ANKRD11: variants seen among roughly 807,000 people sequenced by gnomAD.
ANKRD11 encodes the protein ankyrin repeat domain-containing protein 11.
Under a neutral mutation model 195.7 loss-of-function variants are expected in ANKRD11, and 17 were observed. That is an observed-to-expected ratio of 0.09 (90% CI 0.06 to 0.13). ANKRD11 has a LOEUF of 0.13. ANKRD11 is among the 10% of genes least tolerant of loss of function. The pLI is 1.00. For missense variants in ANKRD11, 3,735 were observed against 3,566.1 expected, an observed-to-expected ratio of 1.05 and a Z score of -1.21; for synonymous variants, 1,953 against 1,528.1, an observed-to-expected ratio of 1.28 and a Z score of -6.49.
intron 1 of ANKRD11, among the ~76,000 whole-genome samples, chr16:89,442,200 C>T (rs187874634): frequency 1.8e-3 from 270 of 152,352 alleles, no homozygotes; most frequent in African/African-American, 5.5e-3. Context: ...CAGCTGACAA[C>T]GCACGCCCAC....
chr16:89,349,147 A>AAAAAAAAAAAAAAAAAAAAAAAG (rs2039084122), intron 2 of ANKRD11, among the ~76,000 whole-genome samples: 1 of 143,176 alleles, frequency 7.0e-6, no homozygotes, highest in Non-Finnish European at 1.5e-5. Flanking sequence ...AAAAAAAAAA[A>AAAAAAAAAAAAAAAAAAAAAAAG]AAAAAAAAAA....
chr16:89,280,671 C>A lies in ANKRD11; in HGVS notation c.5871G>T (p.Ala1957=). ...PVEWAHPSEQ[A]LASSLIGGTS... is the part of the protein sequence containing the mutation. ...TGCCCCCGATCAGGCTAGAGGCAAG[C>A]GCCTGCTCGGAGGGGTGGGCCCACT... Residue 1957 remains alanine (A), a synonymous_variant, in exon 9 of 13, where the codon GCG becomes GCT. Transcript: ENST00000301030. 1 of 1,613,388 alleles carries A rather than the reference C, an allele frequency of 6.2e-7. No individual in the cohort carries two copies. Among genetic ancestry groups the A allele is most frequent in the South Asian group, 1.1e-5 (1 of 91,076 alleles).
At chr16:89,462,619 G>T (rs1230490817) in intron 1 of ANKRD11, among the ~76,000 whole-genome samples, 1 of 151,892 alleles carries the variant, frequency 6.6e-6, no homozygotes, top group African/African-American at 2.4e-5. Context: ...CACTTAGGAA[G>T]TGAGGAGCAC....
rs140687697 is a variant in ANKRD11 at position 89,285,563 on chromosome 16, G to A, written c.979C>T (p.Leu327Phe). 1.1e-5 allele frequency: 17 copies of A among 1,614,130 alleles called. No homozygotes were observed. The highest frequency in any genetic ancestry group is 1.4e-5 in the Non-Finnish European group (16 of 1,180,016). ...NNTDSEFEKG[L>F]KHKAKNPEPQ... is the part of the protein sequence containing the mutation. Reference sequence around the variant, plus strand: ...TCTGGGTTCTTGGCCTTGTGCTTGAGGCCTTTTTCGAACTCGGAGTCCGTG... The same window carrying A: ...TCTGGGTTCTTGGCCTTGTGCTTGAAGCCTTTTTCGAACTCGGAGTCCGTG... Residue 327 changes from leucine (L) to phenylalanine (F), a missense_variant, in exon 9 of 13, where the codon CTC becomes TTC. Leu to Phe is a conservative substitution (Grantham distance 22, BLOSUM62 0). Transcript: ENST00000301030. This position sits in a 1 kb window ranked among gnomAD's most constrained non-coding sequence, Gnocchi z 5.6.
chr16:89,305,103 G>A (rs768176274), intron 4 of ANKRD11, 103 bp downstream of exon 4: 42 of 1,519,786 alleles, frequency 2.8e-5, no homozygotes, highest in East Asian at 1.4e-4. Context: ...GCTAGAGTGC[G>A]TCCCAGTGCA....
intron 1 of ANKRD11, among the ~76,000 whole-genome samples, chr16:89,462,923 G>A (rs2056741166): frequency 6.6e-6 from 1 of 150,502 alleles, no homozygotes; most frequent in African/African-American, 2.5e-5. Flanking sequence ...CCGCCCAGCT[G>A]CCCCGTCCGG....
intron 2 of ANKRD11, among the ~76,000 whole-genome samples, chr16:89,330,517 G>A (rs1339774564): frequency 5.3e-5 from 8 of 152,042 alleles, no homozygotes; most frequent in African/African-American, 9.6e-5. Flanking sequence ...TCCCCGTGAC[G>A]TGGCAGCGGG....
rs554875133 is a variant in ANKRD11 at position 89,393,960 on chromosome 16, T to C, written c.-60+24324A>G. 1.1e-4 allele frequency among the ~76,000 whole-genome samples: 17 copies of C among 152,330 alleles called. No homozygotes were observed. In the East Asian group the frequency reaches 3.3e-3, roughly 29 times the overall value. On this transcript the variant is annotated intron_variant, in intron 2 of 12. Coordinates refer to ENST00000301030, the MANE Select transcript of ANKRD11 (RefSeq NM_013275.6). ...CTAGTTTACTTGTGAGGGCTACGAA[T>C]AAGTGAAGCTCAAACCACTAGGTGC... is the stretch of plus-strand genomic sequence containing the variant.
intron 2 of ANKRD11, among the ~76,000 whole-genome samples, chr16:89,401,234 A>G (rs2041672599): frequency 6.6e-6 from 1 of 151,676 alleles, no homozygotes; most frequent in African/African-American, 2.4e-5. Flanking sequence ...GGCCGCCACC[A>G]CGCCCGGCTA....
chr16:89,337,426 A>ATTATTTTTTT (rs763560924), intron 2 of ANKRD11, among the ~76,000 whole-genome samples: 1 of 43,770 alleles, frequency 2.3e-5, no homozygotes, highest in South Asian at 1.1e-3. Flanking sequence ...GGTCTAAGCA[A>ATTATTTTTTT]TTCTTTTTTT....
At chr16:89,318,842 G>A (rs555433385) in intron 2 of ANKRD11, among the ~76,000 whole-genome samples, 10 of 152,218 alleles carry the variant, frequency 6.6e-5, no homozygotes, top group East Asian at 5.8e-4. Context: ...ACCTCCACCC[G>A]CGGTGCAGGT....
intron 1 of ANKRD11, among the ~76,000 whole-genome samples, chr16:89,433,611 G>T (rs934394748): frequency 6.6e-6 from 1 of 151,960 alleles, no homozygotes; most frequent in African/African-American, 2.4e-5. Flanking sequence ...GAGTAAGAGA[G>T]AAGGAACGGG....
intron 2 of ANKRD11, among the ~76,000 whole-genome samples, chr16:89,321,720 TTTG>T: frequency 1.3e-5 from 2 of 152,090 alleles, no homozygotes; most frequent in Non-Finnish European, 2.9e-5. Flanking sequence ...AAAAGACTTC[TTTG>T]GGGTTGAAAT....
chr16:89,463,620 T>C (rs574200580), intron 1 of ANKRD11, among the ~76,000 whole-genome samples: 2 of 151,608 alleles, frequency 1.3e-5, no homozygotes, highest in Admixed American at 6.6e-5. Context: ...TATTGTCCTA[T>C]GACCCTGCCA....
chr16:89,369,082 C>T (rs867572247), intron 2 of ANKRD11, among the ~76,000 whole-genome samples: 7 of 152,252 alleles, frequency 4.6e-5, no homozygotes, highest in Middle Eastern at 3.4e-3. Flanking sequence ...AGCTGCCCTA[C>T]AATGATCACA....
rs775916458 is a variant in ANKRD11 at position 89,285,049 on chromosome 16, C to A, written c.1493G>T (p.Ser498Ile). Reference protein sequence around the residue: ...SGEDDRDSLGSSGCLKGSPLV... With the variant: ...SGEDDRDSLGISGCLKGSPLV... ...CGGGGACCCCTTGAGGCAGCCAGAG[C>A]TCCCCAGAGAGTCCCTGTCATCCTC... Residue 498 changes from serine (S) to isoleucine (I), a missense_variant, in exon 9 of 13, where the codon AGC becomes ATC. By Grantham distance (142) the Ser-to-Ile change is moderately radical. Coordinates refer to ENST00000301030, the MANE Select transcript of ANKRD11 (RefSeq NM_013275.6). This position sits in a 1 kb window ranked among gnomAD's most constrained non-coding sequence, Gnocchi z 5.6. 6.2e-7 allele frequency: 1 copy of A among 1,613,948 alleles called. No individual in the cohort carries two copies. Among genetic ancestry groups the A allele is most frequent in the East Asian group, 2.2e-5 (1 of 44,890 alleles).
At chr16:89,460,453 G>A (rs2056613730) in intron 1 of ANKRD11, among the ~76,000 whole-genome samples, 1 of 152,180 alleles carries the variant, frequency 6.6e-6, no homozygotes, top group Non-Finnish European at 1.5e-5. Context: ...CAGCTACTCA[G>A]GAGGCTGAAG....
chr16:89,473,905 A>G (rs1470204873), intron 1 of ANKRD11, among the ~76,000 whole-genome samples: 1 of 152,220 alleles, frequency 6.6e-6, no homozygotes, highest in Non-Finnish European at 1.5e-5. Flanking sequence ...ATTAGGTGGC[A>G]AAGTTGCTGC....
intron 2 of ANKRD11, among the ~76,000 whole-genome samples, chr16:89,337,898 C>G (rs1283593130): frequency 6.6e-6 from 1 of 152,130 alleles, no homozygotes; most frequent in Non-Finnish European, 1.5e-5. Context: ...GTGTGGAATC[C>G]CCCTCTATTG....
Sources: allele counts gnomAD v4.1 joint callset (sites outside exome capture counted in the v4.1 genomes callset), GRCh38; gene constraint gnomAD v4.1.1; non-coding constraint Gnocchi (gnomAD v3.1); transcripts MANE v1.5; gene names NCBI Gene and HGNC (gene_info 2026-07-23, HGNC 2026-07-21).